Variants in ABCA6 observed in about 807,000 individuals in gnomAD.
ABCA6 encodes ATP binding cassette subfamily A member 6.
A neutral mutation model predicts 191.2 loss-of-function variants in ABCA6; 164 were observed. The observed-to-expected ratio is 0.86, with a 90% confidence interval of 0.76 to 0.98. ABCA6 has a LOEUF of 0.98. Ranked by LOEUF, ABCA6 falls within the 50% of genes least tolerant of loss-of-function variation. The pLI, the probability that ABCA6 is intolerant of heterozygous loss-of-function variation, is 0.00. For missense variants in ABCA6, 1,958 were observed against 1,894.1 expected, an observed-to-expected ratio of 1.03 and a Z score of -0.63; for synonymous variants, 636 against 647.7, an observed-to-expected ratio of 0.98 and a Z score of 0.27.
intron 27 of ABCA6, among the ~76,000 whole-genome samples, chr17:69,088,794 C>A (rs1398258968): frequency 3.9e-5 from 6 of 152,114 alleles, no homozygotes; most frequent in Non-Finnish European, 7.4e-5. Flanking sequence ...TCGCTTTATC[C>A]CATGACTTCT....
chr17:69,107,527 T>C (rs1440835993), intron 18 of ABCA6, among the ~76,000 whole-genome samples, 169 bp downstream of exon 18: 1 of 152,122 alleles, frequency 6.6e-6, no homozygotes, highest in African/African-American at 2.4e-5. Context: ...CTGTGATCAG[T>C]CTTAGTAATG....
chr17:69,103,639 C>A (rs917587727), intron 20 of ABCA6, among the ~76,000 whole-genome samples: 7 of 152,004 alleles, frequency 4.6e-5, no homozygotes, highest in Non-Finnish European at 5.9e-5. Flanking sequence ...AACCAATTTC[C>A]AGGATACCTG....
Position 69,137,515 on chromosome 17 carries a change from A to T in ABCA6, c.97-15T>A, listed in dbSNP as rs1173504481. On this transcript the variant is annotated splice_polypyrimidine_tract_variant and intron_variant, in intron 2 of 38. Transcript: ENST00000284425. ...AGGCCCCATTCCTGTAATGCATATAAAAAGAAAAATAATGAATTAAGGTTG... is the reference window on the plus strand; with the variant it reads ...AGGCCCCATTCCTGTAATGCATATATAAAGAAAAATAATGAATTAAGGTTG... 1 of 1,598,132 alleles carries T rather than the reference A, an allele frequency of 6.3e-7. No individual in the cohort carries two copies.
At chr17:69,098,281 C>T in intron 22 of ABCA6, 1 of 387,048 alleles carries the variant, frequency 2.6e-6, no homozygotes, top group Non-Finnish European at 4.6e-6. Context: ...CGAAGAGATA[C>T]CCTCACATTC....
rs568062280 is a variant in ABCA6, at chr17:69,136,852, CAGAAT to C, written c.301+439_301+443del. 2.6e-3 allele frequency among the ~76,000 whole-genome samples: 400 copies of C among 152,184 alleles called. 2 individuals carry two copies. Among genetic ancestry groups the C allele is most frequent in the African/African-American group, 9.3e-3 (388 of 41,542 alleles). On this transcript the variant is annotated intron_variant, in intron 3 of 38. Coordinates refer to ENST00000284425, the MANE Select transcript of ABCA6 (RefSeq NM_080284.3). Reference sequence around the variant, plus strand: ...TTTACTGATTGTACTATATTCAGAACAGAATAATCATCAGATTATTCATTTCTGCT... The same window carrying C: ...TTTACTGATTGTACTATATTCAGAACAATCATCAGATTATTCATTTCTGCT...
At chr17:69,100,727 G>A in intron 22 of ABCA6, 70 bp downstream of exon 22, 1 of 1,427,040 alleles carries the variant, frequency 7.0e-7, no homozygotes, top group Non-Finnish European at 9.4e-7. Flanking sequence ...ATATTTAAAA[G>A]CTAAAGAGAG....
intron 29 of ABCA6, among the ~76,000 whole-genome samples, chr17:69,087,073 G>A (rs767973413): frequency 6.6e-6 from 1 of 152,070 alleles, no homozygotes; most frequent in Non-Finnish European, 1.5e-5. Flanking sequence ...TAACTCATGA[G>A]GTCTTGTTGG....
rs757479384 is a variant in ABCA6, at chr17:69,084,245, G to A, written c.4355+16C>T. On this transcript the variant is annotated intron_variant, in intron 34 of 38. Coordinates refer to ENST00000284425, the MANE Select transcript of ABCA6 (RefSeq NM_080284.3). ...TAATGTGCATGCTCGCAGCTCTGGG[G>A]TATAATGATGCTCACCACATTTGCT... 6 of 1,612,682 alleles carry A rather than the reference G, an allele frequency of 3.7e-6. No individual in the cohort carries two copies. Among genetic ancestry groups the A allele is most frequent in the South Asian group, 1.1e-5 (1 of 91,060 alleles).
chr17:69,089,918 T>C (rs2072888455), intron 26 of ABCA6, among the ~76,000 whole-genome samples: 1 of 152,204 alleles, frequency 6.6e-6, no homozygotes, highest in African/African-American at 2.4e-5. Context: ...TGACAATATT[T>C]TTCTTAAGTG....
chr17:69,108,448 G>C (rs1361892459), intron 17 of ABCA6: 2 of 152,040 alleles, frequency 1.3e-5, no homozygotes, highest in African/African-American at 4.8e-5. Flanking sequence ...TATTATTTTA[G>C]TGTACAATTG....
chr17:69,114,986 A>C (rs755377965), intron 12 of ABCA6, 49 bp from the exon 13 acceptor site: 1 of 1,358,098 alleles, frequency 7.4e-7, no homozygotes, highest in East Asian at 2.4e-5. Context: ...ACATTCTATT[A>C]ATATTCATAG....
chr17:69,116,654 T>C (rs988698988), intron 11 of ABCA6, among the ~76,000 whole-genome samples: 3 of 152,114 alleles, frequency 2.0e-5, no homozygotes, highest in Non-Finnish European at 4.4e-5. Context: ...TTAGTCGTGG[T>C]ATCCATATAA....
At position 69,100,942 on chromosome 17, in the gene ABCA6, CAG is replaced by C. The variant is rs773504718; in HGVS notation, c.2875-10_2875-9del. 1 of 1,570,220 alleles carries C rather than the reference CAG, an allele frequency of 6.4e-7. No homozygotes were observed. The highest frequency in any genetic ancestry group is 8.7e-7 in the Non-Finnish European group (1 of 1,154,806). ...AACTGAAAATCTATAATCCTTAAAA[CAG>C]AAACAAATAAATAATGTTAATGCTA... On this transcript the variant is annotated splice_polypyrimidine_tract_variant and intron_variant, in intron 21 of 38. Coordinates refer to ENST00000284425, the MANE Select transcript of ABCA6 (RefSeq NM_080284.3).
At chr17:69,124,781 A>G in intron 9 of ABCA6, 107 bp downstream of exon 9, 2 of 605,316 alleles carry the variant, frequency 3.3e-6, no homozygotes, top group Non-Finnish European at 5.2e-6. Context: ...TATTAGTTTG[A>G]AATGGGAAAT....
chr17:69,087,243 G>T, intron 29 of ABCA6, 110 bp downstream of exon 29: 1 of 1,412,256 alleles, frequency 7.1e-7, no homozygotes, highest in Non-Finnish European at 9.7e-7. Context: ...GCATAATACA[G>T]AAATGCACCA....
intron 18 of ABCA6, among the ~76,000 whole-genome samples, chr17:69,106,636 A>G (rs1445578016): frequency 6.9e-6 from 1 of 144,964 alleles, no homozygotes; most frequent in Non-Finnish European, 1.5e-5. Flanking sequence ...TTTTATTTTT[A>G]TAACCAATTC....
At position 69,083,329 on chromosome 17, in the gene ABCA6, T is replaced by C; in HGVS notation, c.4358A>G (p.Gln1453Arg). 2 of 1,573,676 alleles carry C rather than the reference T, an allele frequency of 1.3e-6. No individual in the cohort carries two copies. The highest frequency in any genetic ancestry group is 1.7e-6 in the Non-Finnish European group (2 of 1,168,702). The change falls in exon 35 of 39, where the codon CAG becomes CGG. Residue 1453 changes from glutamine to arginine, a missense_variant and splice_region_variant. Gln to Arg is a conservative substitution (Grantham distance 43). Transcript: ENST00000284425. ...IDPTGQQQMWQAIQAVVKNTE... is the reference protein window; with the variant it reads ...IDPTGQQQMWRAIQAVVKNTE... ...GTTTTTAACGACTGCCTGGATTGCC[T>C]GCCTGCAGTGAGCAAAAAAATTAAC...
rs963280019 is a variant in ABCA6 at position 69,086,510 on chromosome 17, T to C, written c.3937+108A>G. 3.5e-5 allele frequency: 11 copies of C among 318,052 alleles called. No homozygotes were observed. The South Asian group carries it at 3.5e-4, about 10-fold the overall frequency. 19.7% of individuals were successfully genotyped at this position (318,052 alleles called of 1,614,324 possible). On this transcript the variant is annotated intron_variant, in intron 30 of 38. Transcript: ENST00000284425. Reference sequence around the variant, plus strand: ...AAATATATATATATATATATATATATAGAATAAATGAATGAATGCTTCAGC... The same window carrying C: ...AAATATATATATATATATATATATACAGAATAAATGAATGAATGCTTCAGC...
At chr17:69,137,602 T>C in intron 2 of ABCA6, 102 bp from the exon 3 acceptor site, 2 of 1,076,982 alleles carry the variant, frequency 1.9e-6, no homozygotes, top group Non-Finnish European at 1.3e-6. Flanking sequence ...AATTGTGCTA[T>C]ACAGTTATGT....
Sources: gnomAD v4.1 joint callset for allele counts (sites outside exome capture counted in the v4.1 genomes callset) on GRCh38, gnomAD v4.1.1 for gene constraint, MANE v1.5 for transcripts, NCBI Gene and HGNC (gene_info 2026-07-23, HGNC 2026-07-21) for gene names.